WDR20: variants seen among roughly 807,000 people sequenced by gnomAD.
WDR20 encodes the protein WD repeat-containing protein 20.
In WDR20, 3 loss-of-function variants were observed where a neutral mutation model predicts 38.7. The observed-to-expected ratio is 0.08, with a 90% CI of 0.04 to 0.20. The LOEUF is 0.20. WDR20 is among the 10% of genes least tolerant of loss of function. The probability of loss-of-function intolerance (pLI) is 1.00; values close to 1 mark genes in which losing one functional copy is unlikely to be tolerated. For missense variants in WDR20, 559 were observed against 727.7 expected, an observed-to-expected ratio of 0.77 and a Z score of 2.67; for synonymous variants, 298 against 285.6, an observed-to-expected ratio of 1.04 and a Z score of -0.44.
chr14:102,214,412 T>G, downstream of WDR20: 1 of 985,474 alleles, frequency 1.0e-6, no homozygotes, highest in South Asian at 4.7e-5. Context: ...AAAGCACTCG[T>G]ATGCAACTGT....
chr14:102,172,113 C>G (rs568861714), intron 1 of WDR20, among the ~76,000 whole-genome samples: 2 of 151,374 alleles, frequency 1.3e-5, no homozygotes, highest in Non-Finnish European at 1.5e-5. Flanking sequence ...TGACTCTTAA[C>G]GAGCATGCTG....
Position 102,145,996 on chromosome 14 carries a change from T to C in WDR20, c.249+5824T>C, listed in dbSNP as rs769832629. Among the ~76,000 whole-genome samples, 11 of 152,038 alleles carry C rather than the reference T, an allele frequency of 7.2e-5. No homozygotes were observed. The South Asian group carries it at 1.2e-3, about 17-fold the overall frequency. ...ATGATTCTGTACTCAGTTGTTTTTT[T>C]TTTTTTTAAATGGAAATGGATTCAT... On this transcript the variant is annotated intron_variant, in intron 1 of 2. Transcript: ENST00000342702.
rs577751661 is a variant in WDR20 at position 102,177,711 on chromosome 14, G to T, written c.250-17227G>T. Among the ~76,000 whole-genome samples, 13 of 152,250 alleles carry T rather than the reference G, an allele frequency of 8.5e-5. No homozygotes were observed. In the South Asian group the frequency reaches 2.5e-3, roughly 29 times the overall value. On this transcript the variant is annotated intron_variant, in intron 1 of 2. Transcript: ENST00000342702. ...GGTGATTGATATAAGGAAAGGGGTG[G>T]TCTGGAAAGTCTTCAGGCTTCCGCA...
chr14:102,197,407 G>T (rs2059593322), intron 2 of WDR20, among the ~76,000 whole-genome samples: 1 of 152,162 alleles, frequency 6.6e-6, no homozygotes, highest in Non-Finnish European at 1.5e-5. Flanking sequence ...GCATTTTAAA[G>T]TTTTTTAAAA....
At chr14:102,167,129 C>A (rs956826324) in intron 1 of WDR20, among the ~76,000 whole-genome samples, 1 of 152,328 alleles carries the variant, frequency 6.6e-6, no homozygotes, top group Non-Finnish European at 1.5e-5. Flanking sequence ...AGTCACTCTT[C>A]CCTTCATTAT....
intron 1 of WDR20, among the ~76,000 whole-genome samples, chr14:102,156,322 C>T (rs569299123): frequency 2.6e-5 from 4 of 151,752 alleles, no homozygotes; most frequent in East Asian, 3.9e-4. Context: ...CACCCACCCC[C>T]ACGTCCAGCT....
chr14:102,224,820 C>CT (rs1201714007), downstream of WDR20: 5 of 455,842 alleles, frequency 1.1e-5, no homozygotes, highest in African/African-American at 4.0e-5. Context: ...ATAAAAGACA[C>CT]TAAGACTTGC....
At chr14:102,186,723 A>G (rs1465252997) in intron 1 of WDR20, among the ~76,000 whole-genome samples, 2 of 152,096 alleles carry the variant, frequency 1.3e-5, no homozygotes, top group Non-Finnish European at 2.9e-5. Flanking sequence ...AGGCCGAGGC[A>G]GGCGGATCAC....
At chr14:102,141,943 C>T (rs563131346) in intron 1 of WDR20, among the ~76,000 whole-genome samples, 21 of 152,212 alleles carry the variant, frequency 1.4e-4, no homozygotes, top group Non-Finnish European at 2.6e-4. Context: ...GTTATGACTT[C>T]TGAAGCATCC....
intron 2 of WDR20, chr14:102,197,645 T>C (rs563389155): frequency 1.7e-5 from 10 of 589,052 alleles, no homozygotes; most frequent in African/African-American, 1.1e-4. Context: ...GCTTGTCTTA[T>C]AAAAGCCTTT....
intron 2 of WDR20, among the ~76,000 whole-genome samples, chr14:102,196,601 G>A (rs914208159): frequency 1.3e-5 from 2 of 152,156 alleles, no homozygotes; most frequent in Admixed American, 6.6e-5. Context: ...AGCCCTGGCC[G>A]AGGATGGTAC....
intron 1 of WDR20, 144 bp from the exon 2 acceptor site, chr14:102,194,794 A>G (rs554009748): frequency 1.2e-6 from 1 of 828,282 alleles, no homozygotes; most frequent in East Asian, 2.6e-5. Flanking sequence ...AAAATGTTAG[A>G]TGATGTTAAG....
intron 1 of WDR20, 115 bp downstream of exon 1, chr14:102,140,287 G>T: frequency 1.3e-6 from 2 of 1,486,544 alleles, no homozygotes; most frequent in Non-Finnish European, 1.8e-6. Flanking sequence ...TTACTTTTGA[G>T]TGGGCCGGTA....
chr14:102,210,589 C>T (rs566769725), downstream of WDR20: 22 of 980,744 alleles, frequency 2.2e-5, no homozygotes, highest in Admixed American at 4.3e-4. Context: ...CACTCAGAGC[C>T]TGACAGTTCG....
At chr14:102,153,307 C>CTTTT (rs57513596) in intron 1 of WDR20, among the ~76,000 whole-genome samples, 5 of 128,194 alleles carry the variant, frequency 3.9e-5, no homozygotes, top group Non-Finnish European at 8.0e-5. Flanking sequence ...AAACCTCTTT[C>CTTTT]TTTTTTTTTT....
chr14:102,166,077 C>T (rs928868107), intron 1 of WDR20, among the ~76,000 whole-genome samples: 2 of 152,090 alleles, frequency 1.3e-5, no homozygotes, highest in Non-Finnish European at 2.9e-5. Context: ...CTGCAACCTT[C>T]GCCTCTTGGG....
intron 1 of WDR20, among the ~76,000 whole-genome samples, chr14:102,177,819 T>C (rs1456543316): frequency 6.6e-6 from 1 of 152,150 alleles, no homozygotes; most frequent in African/African-American, 2.4e-5. Context: ...AATTTAAGCT[T>C]GTTCTACACA....
At chr14:102,187,901 G>C (rs928541727) in intron 1 of WDR20, among the ~76,000 whole-genome samples, 3 of 152,122 alleles carry the variant, frequency 2.0e-5, no homozygotes, top group Non-Finnish European at 2.9e-5. Context: ...GAGTGCTTTG[G>C]GTGTAGGCCA....
intron 1 of WDR20, among the ~76,000 whole-genome samples, chr14:102,163,587 C>T (rs142823227): frequency 0.04 from 5,506 of 139,180 alleles, 155 homozygotes; most frequent in South Asian, 0.087. Context: ...AAGATTGCGC[C>T]GCTGCACTCC....
Sources: allele counts gnomAD v4.1 joint callset (sites outside exome capture counted in the v4.1 genomes callset), GRCh38; gene constraint gnomAD v4.1.1; transcripts MANE v1.5; gene names NCBI Gene and HGNC (gene_info 2026-07-23, HGNC 2026-07-21).